Variants in CT55 observed in about 807,000 individuals in gnomAD.
CT55 encodes the protein cancer/testis antigen 55.
In CT55, 1 loss-of-function variant was observed where a neutral mutation model predicts 12.6. The ratio of observed to expected loss-of-function variants is 0.08; its 90% confidence interval spans 0.03 to 0.38. The LOEUF (loss-of-function observed/expected upper bound fraction) is 0.38, where lower values mean the gene tolerates loss of function less well. Among genes scored for constraint, CT55 ranks in the 10% least tolerant of loss-of-function variants. CT55 has a pLI of 0.99. For synonymous variants in CT55, 43 were observed against 49.7 expected, an observed-to-expected ratio of 0.87 and a Z score of 0.57; for missense variants, 109 against 135.4, an observed-to-expected ratio of 0.80 and a Z score of 0.97.
At chrX:135,167,811 G>A (rs2083592731) in intron 2 of CT55, among the ~76,000 whole-genome samples, 2 of 110,993 alleles carry the variant, frequency 1.8e-5, no homozygotes, top group African/African-American at 6.6e-5. Context: ...CTCAAAAGGA[G>A]ACATACAAAT....
chrX:135,159,927 C>CA (rs782781696), intron 3 of CT55, among the ~76,000 whole-genome samples: 65 of 105,366 alleles, frequency 6.2e-4, no homozygotes, highest in African/African-American at 1.2e-3. Context: ...TCAACAACAA[C>CA]ACACACACAC....
intron 3 of CT55, among the ~76,000 whole-genome samples, chrX:135,158,866 A>T (rs1276154781): frequency 2.7e-5 from 3 of 112,199 alleles, no homozygotes; most frequent in Admixed American, 9.4e-5. Flanking sequence ...CCACCAAATA[A>T]CTGTTGATTG....
chrX:135,167,165 A>C (rs782098247), intron 2 of CT55, among the ~76,000 whole-genome samples: 1 of 112,257 alleles, frequency 8.9e-6, no homozygotes, highest in African/African-American at 3.2e-5. Context: ...CAAGGAACAA[A>C]GCTGGAGGCA....
chrX:135,170,370 G>A (rs1278264068), intron 1 of CT55, among the ~76,000 whole-genome samples: 2 of 112,168 alleles, frequency 1.8e-5, no homozygotes, highest in African/African-American at 6.5e-5. Context: ...GCACAAGAGT[G>A]TGTAAATGTT....
chrX:135,162,234 T>C (rs2083565835), intron 2 of CT55, among the ~76,000 whole-genome samples: 1 of 112,644 alleles, frequency 8.9e-6, no homozygotes, highest in African/African-American at 3.2e-5. Context: ...GCTGGCTGTA[T>C]GTTTAGATAT....
At position 135,160,924 on chromosome X, in the gene CT55, T is replaced by C. The variant is rs782335295; in HGVS notation, c.280-369A>G. On this transcript the variant is annotated intron_variant, in intron 2 of 5. Coordinates refer to ENST00000276241, the MANE Select transcript of CT55 (RefSeq NM_001031705.3). ...GAAGGATATAAAACTAGTTCAAAGA[T>C]GGTTTCTGTGAATTATCTAGAGGGA... is the stretch of plus-strand genomic sequence containing the variant. Among the ~76,000 whole-genome samples, 4 of 111,515 alleles carry C rather than the reference T, an allele frequency of 3.6e-5. No homozygotes were observed. In the South Asian group the frequency reaches 1.1e-3, roughly 32 times the overall value.
chrX:135,166,474 T>C (rs2083585847), intron 2 of CT55, among the ~76,000 whole-genome samples: 1 of 111,623 alleles, frequency 9.0e-6, no homozygotes, highest in Non-Finnish European at 1.9e-5. Context: ...ATAAAGGTCA[T>C]ATATGATAAA....
intron 2 of CT55, among the ~76,000 whole-genome samples, chrX:135,164,143 A>C (rs1336251684): frequency 8.9e-6 from 1 of 112,115 alleles, no homozygotes; most frequent in Non-Finnish European, 1.9e-5. Context: ...AATTCAGAAT[A>C]CTCTAATAAG....
At chrX:135,166,893 G>A (rs1556406106) in intron 2 of CT55, among the ~76,000 whole-genome samples, 2 of 111,860 alleles carry the variant, frequency 1.8e-5, no homozygotes, top group African/African-American at 6.5e-5. Context: ...ATTTAACCAA[G>A]GAGGTGAAGG....
intron 3 of CT55, among the ~76,000 whole-genome samples, chrX:135,159,598 C>A (rs1260282318): frequency 9.0e-6 from 1 of 111,482 alleles, no homozygotes; most frequent in Non-Finnish European, 1.9e-5. Context: ...AGGTTTTCCA[C>A]TTCTCCATTT....
intron 1 of CT55, among the ~76,000 whole-genome samples, chrX:135,170,370 G>T (rs1278264068): frequency 1.8e-5 from 2 of 112,168 alleles, no homozygotes; most frequent in East Asian, 5.6e-4. Context: ...GCACAAGAGT[G>T]TGTAAATGTT....
intron 2 of CT55, among the ~76,000 whole-genome samples, chrX:135,162,716 G>T (rs1350327762): frequency 9.0e-6 from 1 of 111,406 alleles, no homozygotes; most frequent in Non-Finnish European, 1.9e-5. Flanking sequence ...CCACTTGACA[G>T]ATGCCCATGG....
intron 4 of CT55, 103 bp downstream of exon 4, chrX:135,158,096 T>A: frequency 2.2e-6 from 1 of 456,392 alleles, no homozygotes; most frequent in Non-Finnish European, 3.8e-6. Flanking sequence ...TCTTCATATT[T>A]TCTGGAATTC....
chrX:135,166,106 G>C (rs182551795), intron 2 of CT55, among the ~76,000 whole-genome samples: 1 of 90,972 alleles, frequency 1.1e-5, no homozygotes, highest in African/African-American at 4.2e-5. Flanking sequence ...CTGTCACAAC[G>C]CATTACCCTG....
intron 2 of CT55, 68 bp downstream of exon 2, chrX:135,169,526 G>A: frequency 3.2e-6 from 3 of 926,364 alleles, no homozygotes; most frequent in Non-Finnish European, 4.5e-6. Context: ...ATTAACTCAA[G>A]AAAAGAAAGA....
At chrX:135,171,033 G>T in intron 1 of CT55, 45 bp downstream of exon 1, 1 of 1,201,415 alleles carries the variant, frequency 8.3e-7, no homozygotes, top group Non-Finnish European at 1.1e-6. Flanking sequence ...AACCCCTATT[G>T]GGAGGCTTCT....
At chrX:135,157,810 A>AT (rs1316317986) in intron 4 of CT55, among the ~76,000 whole-genome samples, 5 of 26,870 alleles carry the variant, frequency 1.9e-4, no homozygotes, top group Non-Finnish European at 1.4e-4. Flanking sequence ...GCCTGTGCAT[A>AT]TTCAGGCTTT....
chrX:135,171,683 C>T (rs1371348921), upstream of CT55, among the ~76,000 whole-genome samples: 7 of 111,478 alleles, frequency 6.3e-5, no homozygotes, highest in African/African-American at 1.6e-4. Context: ...CCCTTGTATT[C>T]GTGGTGCTTA....
intron 2 of CT55, among the ~76,000 whole-genome samples, chrX:135,168,433 G>A (rs1159517483): frequency 2.7e-5 from 3 of 111,728 alleles, no homozygotes; most frequent in South Asian, 3.7e-4. Flanking sequence ...GTTACCAGAC[G>A]CTTGTGTTGT....
Sources: allele counts gnomAD v4.1 joint callset (sites outside exome capture counted in the v4.1 genomes callset), GRCh38; gene constraint gnomAD v4.1.1; transcripts MANE v1.5; gene names NCBI Gene and HGNC (gene_info 2026-07-23, HGNC 2026-07-21).